The following ZNF331 variants were observed in gnomAD, a reference collection of about 807,000 sequenced individuals.
ZNF331 encodes zinc finger protein 331.
Under a neutral mutation model 7.0 loss-of-function variants are expected in ZNF331, and 2 were observed. That is an observed-to-expected ratio of 0.29 (90% CI 0.12 to 0.90). The LOEUF is 0.90. Among genes scored for constraint, ZNF331 ranks in the 40% least tolerant of loss-of-function variants. The probability of loss-of-function intolerance (pLI) is 0.58; values close to 1 mark genes in which losing one functional copy is unlikely to be tolerated. For synonymous variants in ZNF331, 196 were observed against 205.4 expected, an observed-to-expected ratio of 0.95 and a Z score of 0.39; for missense variants, 432 against 587.7, an observed-to-expected ratio of 0.74 and a Z score of 2.74.
chr19:53,512,661 G>T, the ZNF331 span: 2 of 150,292 alleles, frequency 1.3e-5, no homozygotes, highest in South Asian at 4.2e-4. Context: ...GGTCCCCATG[G>T]GTGGCCTGTT....
upstream of ZNF331, among the ~76,000 whole-genome samples, chr19:53,517,230 G>C (rs2086923878): frequency 6.6e-6 from 1 of 152,022 alleles, no homozygotes; most frequent in Non-Finnish European, 1.5e-5. Flanking sequence ...ATAGTTAGTA[G>C]TTGTATGGAG....
At chr19:53,576,597 G>A in intron 5 of ZNF331, 100 bp from the exon 6 acceptor site, 10 of 1,025,230 alleles carry the variant, frequency 9.8e-6, no homozygotes, top group Non-Finnish European at 1.4e-5. Context: ...TTATTCTACT[G>A]GATAATTTTT....
chr19:53,562,595 T>C (rs940254603), intron 3 of ZNF331, among the ~76,000 whole-genome samples: 5 of 148,320 alleles, frequency 3.4e-5, no homozygotes, highest in Non-Finnish European at 6.0e-5. Context: ...GAGGCTGAGG[T>C]AGGAGAATCA....
At chr19:53,520,605 G>T (rs1044387247), upstream of ZNF331, among the ~76,000 whole-genome samples, 1 of 152,330 alleles carries the variant, frequency 6.6e-6, no homozygotes, top group East Asian at 1.9e-4. Flanking sequence ...CTAACAGTGG[G>T]AGGAGACACC....
At chr19:53,567,683 C>CAA (rs796729593) in intron 3 of ZNF331, among the ~76,000 whole-genome samples, 2 of 144,548 alleles carry the variant, frequency 1.4e-5, no homozygotes, top group African/African-American at 5.0e-5. Context: ...GCAATCTCTA[C>CAA]AAAAAAAAAA....
chr19:53,548,971 C>T (rs56033141), intron 2 of ZNF331, among the ~76,000 whole-genome samples: 5,581 of 152,036 alleles, frequency 0.037, 334 homozygotes, highest in African/African-American at 0.13. Flanking sequence ...CCCTCAGCCT[C>T]CTCAGTAGCT....
In ZNF331 at chr19:53,577,355, T is replaced by C. The variant is rs2090768001; in HGVS notation, c.795T>C (p.His265=). 1.2e-6 allele frequency: 2 copies of C among 1,613,894 alleles called. No homozygotes were observed. The highest frequency in any genetic ancestry group is 2.2e-5 in the East Asian group (1 of 44,874). The change falls in exon 6 of 6, where the codon CAT becomes CAC. Residue 265 remains histidine (H), a synonymous_variant. Coordinates refer to ENST00000449416, the MANE Select transcript of ZNF331 (RefSeq NM_001079906.2). ...AACTTATTCAGCACAAGAGAATTCA[T>C]AGTGGGGAGAAGCCTTACGAGTGTA... ...VYKLIQHKRI[H]SGEKPYECKD...
intron 2 of ZNF331, among the ~76,000 whole-genome samples, chr19:53,543,982 A>G (rs2088367837): frequency 6.6e-6 from 1 of 152,132 alleles, no homozygotes; most frequent in Non-Finnish European, 1.5e-5. Flanking sequence ...TAATCCCAGC[A>G]CTTTGGGAGG....
chr19:53,563,174 G>A (rs1295447828), intron 3 of ZNF331, among the ~76,000 whole-genome samples: 5 of 125,866 alleles, frequency 4.0e-5, no homozygotes, highest in African/African-American at 6.0e-5. Context: ...TGCAATCTCC[G>A]CCTCCCGGGT....
chr19:53,504,259 C>G, the ZNF331 span: 1 of 303,202 alleles, frequency 3.3e-6, no homozygotes, highest in South Asian at 3.1e-5. Context: ...TCCTGTGTAT[C>G]CAAGCTTTGC....
chr19:53,543,770 A>C (rs568713369), intron 2 of ZNF331, among the ~76,000 whole-genome samples: 1 of 152,258 alleles, frequency 6.6e-6, no homozygotes, highest in African/African-American at 2.4e-5. Context: ...CTTTTATTAC[A>C]TTTTATCAGT....
chr19:53,568,755 C>CA (rs148955580), intron 3 of ZNF331, among the ~76,000 whole-genome samples: 298 of 111,012 alleles, frequency 2.7e-3, no homozygotes, highest in Admixed American at 2.5e-3. Flanking sequence ...CTTTGAGGCG[C>CA]AAAAAAAAAA....
chr19:53,577,830 C>T lies in ZNF331; in HGVS notation c.1270C>T (p.His424Tyr). 6.2e-7 allele frequency: 1 copy of T among 1,613,588 alleles called. No homozygotes were observed. Among genetic ancestry groups the T allele is most frequent in the Non-Finnish European group, 8.5e-7 (1 of 1,179,944 alleles). Residue 424 changes from histidine (H) to tyrosine (Y), a missense_variant, in exon 6 of 6, where the codon CAT becomes TAT. His to Tyr is a moderately conservative substitution (Grantham distance 83, BLOSUM62 2). Transcript: ENST00000449416. Reference protein sequence around the residue: ...TECGKSFSHGHQLTQHQKTHS... With the variant: ...TECGKSFSHGYQLTQHQKTHS... The stretch of plus-strand genomic sequence containing the variant: ...ATGTGGGAAGAGCTTTAGTCACGGC[C>T]ATCAGCTTACACAACATCAGAAAAC...
chr19:53,535,644 A>G (rs1052882936), upstream of ZNF331, among the ~76,000 whole-genome samples: 1 of 152,192 alleles, frequency 6.6e-6, no homozygotes, highest in Non-Finnish European at 1.5e-5. Context: ...TGCTTTGAAA[A>G]ATTAATCATT....
rs1739585653 is a variant in ZNF331, at chr19:53,579,443, A to G, written c.*1491A>G. The G allele has an allele frequency of 1.1e-5, 2 of 185,138 alleles. No individual in the cohort carries two copies. The highest frequency in any genetic ancestry group is 1.1e-5 in the Non-Finnish European group (1 of 87,976). 11.5% of individuals were successfully genotyped at this position (185,138 alleles called of 1,614,324 possible). A position where few individuals can be genotyped will look rare whatever the true frequency, so the allele number is the denominator to read the frequency against. ...CACAGACACTATGTGCATTATTTGT[A>G]CATAAGGATAATCACATCTACCTGA... On this transcript the variant is annotated 3_prime_UTR_variant, in exon 6 of 6. Coordinates refer to ENST00000449416, the MANE Select transcript of ZNF331 (RefSeq NM_001079906.2).
intron 2 of ZNF331, among the ~76,000 whole-genome samples, chr19:53,540,723 A>G (rs1019026066): frequency 9.2e-5 from 14 of 151,890 alleles, no homozygotes; most frequent in Non-Finnish European, 1.6e-4. Flanking sequence ...GGTGTGAGCC[A>G]CCGAGCCTGC....
At chr19:53,565,594 TG>T (rs2090115026) in intron 3 of ZNF331, among the ~76,000 whole-genome samples, 1 of 152,168 alleles carries the variant, frequency 6.6e-6, no homozygotes, top group Non-Finnish European at 1.5e-5. Flanking sequence ...TGGCACGATC[TG>T]GGCTCACTGG....
intron 3 of ZNF331, among the ~76,000 whole-genome samples, chr19:53,568,692 C>T (rs764817022): frequency 1.3e-5 from 2 of 151,400 alleles, no homozygotes; most frequent in Non-Finnish European, 2.9e-5. Context: ...CATCCGTCCC[C>T]GACAGGGAGC....
rs971301639 is a variant in ZNF331, at chr19:53,560,146, CAT to C, written c.-74+4244_-74+4245del. Among the ~76,000 whole-genome samples, 1 of 120,822 alleles carries C rather than the reference CAT, an allele frequency of 8.3e-6. No homozygotes were observed. Among genetic ancestry groups the C allele is most frequent in the African/African-American group, 4.1e-5 (1 of 24,216 alleles). The allele number at this position is 120,822 out of a possible 152,430, so 79.3% of individuals were successfully genotyped here. A position where few individuals can be genotyped will look rare whatever the true frequency, so the allele number is the denominator to read the frequency against. ...TATACACACACCATATATATACACA[CAT>C]ATATACACATCCACACCATATATAC... is the stretch of plus-strand genomic sequence containing the variant. On this transcript the variant is annotated intron_variant, in intron 3 of 5. Transcript: ENST00000449416. This position sits in a 1 kb window ranked among gnomAD's most constrained non-coding sequence, Gnocchi z 4.3.
Sources: allele counts gnomAD v4.1 joint callset (sites outside exome capture counted in the v4.1 genomes callset), GRCh38; gene constraint gnomAD v4.1.1; non-coding constraint Gnocchi (gnomAD v3.1); transcripts MANE v1.5; gene names NCBI Gene and HGNC (gene_info 2026-07-23, HGNC 2026-07-21).